ATP10B: variants seen among roughly 807,000 people sequenced by gnomAD.
The protein encoded by ATP10B is ATPase phospholipid transporting 10B (putative).
A neutral mutation model predicts 141.2 loss-of-function variants in ATP10B; 122 were observed. The ratio of observed to expected loss-of-function variants is 0.86; its 90% confidence interval spans 0.75 to 1.00. The LOEUF (loss-of-function observed/expected upper bound fraction) is 1.00, where lower values mean the gene tolerates loss of function less well. Ranked by LOEUF, ATP10B falls within the 50% of genes least tolerant of loss-of-function variation. The pLI is 0.00. For missense variants in ATP10B, 1,876 were observed against 1,825.3 expected (o/e 1.03, Z -0.51); for synonymous variants, 685 against 692.0 (o/e 0.99, Z 0.16).
At chr5:160,714,780 C>T (rs996946165) in intron 3 of ATP10B, among the ~76,000 whole-genome samples, 1 of 139,724 alleles carries the variant, frequency 7.2e-6, no homozygotes, top group Non-Finnish European at 1.5e-5. Flanking sequence ...TGGTGATGTA[C>T]AGATGGGTTT....
intron 1 of ATP10B, among the ~76,000 whole-genome samples, chr5:160,836,092 A>G (rs928187972): frequency 2.0e-5 from 3 of 152,120 alleles, no homozygotes; most frequent in African/African-American, 7.2e-5. Context: ...CATTAGATTC[A>G]AAAGAATGAG....
At position 160,612,595 on chromosome 5, in the gene ATP10B, C is replaced by T. The variant is rs530008638; in HGVS notation, c.2838+146G>A. On this transcript the variant is annotated intron_variant, in intron 18 of 25. Coordinates refer to ENST00000327245, the MANE Select transcript of ATP10B (RefSeq NM_025153.3). Reference sequence around the variant, plus strand: ...ATTGGGCTGGATGACTTCCAGGGTCCTCTAGACTCCAAGATTCAGTGATCT... The same window carrying T: ...ATTGGGCTGGATGACTTCCAGGGTCTTCTAGACTCCAAGATTCAGTGATCT... 92 of 623,456 alleles carry T rather than the reference C, an allele frequency of 1.5e-4. No homozygotes were observed. The African/African-American group carries it at 1.7e-3, about 11-fold the overall frequency. The allele number at this position is 623,456 out of a possible 1,614,324, so 38.6% of individuals were successfully genotyped here.
At chr5:160,603,734 A>G (rs905736199) in intron 20 of ATP10B, 2 of 514,268 alleles carry the variant, frequency 3.9e-6, no homozygotes, top group South Asian at 5.7e-5. Flanking sequence ...TTAAATGGGA[A>G]AATTTAGCAG....
At chr5:160,870,064 T>C in the ATP10B span, among the ~76,000 whole-genome samples, 1 of 152,142 alleles carries the variant, frequency 6.6e-6, no homozygotes, top group Non-Finnish European at 1.5e-5. Context: ...AGAGCCTAAC[T>C]GAATTAGGGG....
chr5:160,642,159 G>C (rs971552732), intron 9 of ATP10B, among the ~76,000 whole-genome samples: 1 of 152,208 alleles, frequency 6.6e-6, no homozygotes, highest in African/African-American at 2.4e-5. Flanking sequence ...GTTGCATAGA[G>C]TTCAACTCAG....
intron 17 of ATP10B, chr5:160,613,945 G>T (rs1757861979): frequency 6.6e-6 from 1 of 152,086 alleles, no homozygotes; most frequent in Non-Finnish European, 1.5e-5. Context: ...AGTGACAATA[G>T]GTTGGCAAAG....
At chr5:160,767,522 A>T (rs1426064674) in intron 2 of ATP10B, among the ~76,000 whole-genome samples, 1 of 152,108 alleles carries the variant, frequency 6.6e-6, no homozygotes, top group Non-Finnish European at 1.5e-5. Flanking sequence ...CTGAATCCAA[A>T]GTCCTCATAT....
intron 1 of ATP10B, among the ~76,000 whole-genome samples, chr5:160,808,118 TA>T (rs907432359): frequency 3.9e-5 from 6 of 151,968 alleles, no homozygotes; most frequent in Non-Finnish European, 7.4e-5. Flanking sequence ...TTTATTCCAT[TA>T]AAAAATCTGT....
At chr5:160,858,006 G>T in the ATP10B span, among the ~76,000 whole-genome samples, 14 of 151,728 alleles carry the variant, frequency 9.2e-5, 1 homozygote, top group African/African-American at 3.1e-4. Context: ...TTCTACAATT[G>T]TCTATTAATC....
At chr5:160,815,440 T>G (rs1429230932) in intron 1 of ATP10B, among the ~76,000 whole-genome samples, 2 of 152,200 alleles carry the variant, frequency 1.3e-5, no homozygotes, top group African/African-American at 4.8e-5. Flanking sequence ...AAGAGCTAAC[T>G]ATCCTAAATA....
chr5:160,565,925 A>G, intron 25 of ATP10B, 25 bp from the exon 26 acceptor site: 1 of 1,566,622 alleles, frequency 6.4e-7, no homozygotes, highest in Non-Finnish European at 8.6e-7. Flanking sequence ...CAGAATAAAG[A>G]TATTTCTGAT....
chr5:160,699,186 T>G (rs1247244255), intron 3 of ATP10B, among the ~76,000 whole-genome samples: 1 of 152,236 alleles, frequency 6.6e-6, no homozygotes, highest in African/African-American at 2.4e-5. Flanking sequence ...AAAAAGACAG[T>G]GCAGGCAATA....
At chr5:160,646,590 A>G (rs952648739) in intron 8 of ATP10B, among the ~76,000 whole-genome samples, 3 of 152,224 alleles carry the variant, frequency 2.0e-5, no homozygotes, top group Non-Finnish European at 2.9e-5. Flanking sequence ...TCTGAGGTTC[A>G]GGACCCACCA....
rs532148990 is a variant in ATP10B, at chr5:160,715,789, G to A, written c.-205+1120C>T. Among the ~76,000 whole-genome samples, 9 of 151,898 alleles carry A rather than the reference G, an allele frequency of 5.9e-5. No individual in the cohort carries two copies. In the South Asian group the frequency reaches 1.5e-3, roughly 25 times the overall value. ...TGCAGTGGTGTGGTTTCGGCTCACT[G>A]CAACCTTTGCCTCCTAGGTTCAAGC... On this transcript the variant is annotated intron_variant, in intron 3 of 25. Transcript: ENST00000327245.
intron 1 of ATP10B, among the ~76,000 whole-genome samples, chr5:160,820,272 A>G (rs1410146458): frequency 6.6e-6 from 1 of 152,010 alleles, no homozygotes; most frequent in Non-Finnish European, 1.5e-5. Flanking sequence ...ATTGGAAAAT[A>G]AAGAAGAAAT....
At chr5:160,668,526 C>T (rs1338834606) in intron 7 of ATP10B, among the ~76,000 whole-genome samples, 5 of 152,192 alleles carry the variant, frequency 3.3e-5, no homozygotes, top group African/African-American at 1.2e-4. Flanking sequence ...TCTCACCCTG[C>T]CTTTTTGCAA....
At chr5:160,860,110 C>G in the ATP10B span, among the ~76,000 whole-genome samples, 3 of 151,744 alleles carry the variant, frequency 2.0e-5, no homozygotes, top group South Asian at 2.1e-4. Flanking sequence ...GTATGTTTTC[C>G]AACGATATTC....
Position 160,688,040 on chromosome 5 carries a change from C to T in ATP10B, c.35G>A (p.Trp12Ter). The change falls in exon 5 of 26, where the codon TGG becomes TAG. Residue 12 changes from tryptophan (W) to a stop codon, truncating the protein, a stop_gained. Coordinates refer to ENST00000327245, the MANE Select transcript of ATP10B (RefSeq NM_025153.3). LOFTEE classifies it high-confidence loss of function. Reference sequence around the variant, plus strand: ...GAAGCCATCTCTGACTCTCCACTGCCACCGATGCCACGATGAGTCCACTGA... The same window carrying T: ...GAAGCCATCTCTGACTCTCCACTGCTACCGATGCCACGATGAGTCCACTGA... ...ALSVDSSWHR[W>*]QWRVRDGFPH... 6.2e-7 allele frequency: 1 copy of T among 1,613,610 alleles called. No individual in the cohort carries two copies. The highest frequency in any genetic ancestry group is 8.5e-7 in the Non-Finnish European group (1 of 1,179,968).
chr5:160,919,313 A>G, the ATP10B span, among the ~76,000 whole-genome samples: 1 of 150,284 alleles, frequency 6.7e-6, no homozygotes, highest in Non-Finnish European at 1.5e-5. Context: ...TCTTTCCATG[A>G]ATATTTACTG....
Sources: allele counts gnomAD v4.1 joint callset (sites outside exome capture counted in the v4.1 genomes callset), GRCh38; gene constraint gnomAD v4.1.1; transcripts MANE v1.5; gene names NCBI Gene and HGNC (gene_info 2026-07-23, HGNC 2026-07-21).